Variants in MAEA observed in about 807,000 individuals in gnomAD.
MAEA encodes E3 ubiquitin-protein transferase MAEA.
MAEA carries 22 observed loss-of-function variants against 46.2 expected under a neutral mutation model. That is an observed-to-expected ratio of 0.48 (90% CI 0.34 to 0.68). MAEA has a LOEUF of 0.68. MAEA is among the 30% of genes least tolerant of loss of function. The pLI is 0.01. For synonymous variants in MAEA, 246 were observed against 222.6 expected, an observed-to-expected ratio of 1.11 and a Z score of -0.94; for missense variants, 393 against 558.1, an observed-to-expected ratio of 0.70 and a Z score of 2.98.
In MAEA at chr4:1,312,381, G is replaced by T; in HGVS notation, c.252+220G>T. The T allele has an allele frequency of 5.4e-6, 3 of 551,258 alleles. No individual in the cohort carries two copies. The South Asian group carries it at 6.2e-5, about 11-fold the overall frequency. 34.1% of individuals were successfully genotyped at this position (551,258 alleles called of 1,614,324 possible). A position where few individuals can be genotyped will look rare whatever the true frequency, so the allele number is the denominator to read the frequency against. ...TTGTCTTGCTCCAGGAGTGTCCAGA[G>T]TCCAGGCCACAGGGAGACCAGGATG... On this transcript the variant is annotated intron_variant, in intron 2 of 8. Coordinates refer to ENST00000303400, the MANE Select transcript of MAEA (RefSeq NM_001017405.3).
At chr4:1,330,896 G>A (rs981273972) in intron 5 of MAEA, 1 of 152,260 alleles carries the variant, frequency 6.6e-6, no homozygotes, top group Admixed American at 6.5e-5. Flanking sequence ...CCTGGGGTGC[G>A]AGGTGAGGCA....
At chr4:1,326,832 G>A (rs1009977709) in intron 4 of MAEA, among the ~76,000 whole-genome samples, 4 of 152,326 alleles carry the variant, frequency 2.6e-5, no homozygotes, top group Non-Finnish European at 4.4e-5. Flanking sequence ...GCTTCTGCCC[G>A]CCATGTTCTC....
intron 8 of MAEA, 162 bp from the exon 9 acceptor site, chr4:1,338,912 G>T: frequency 1.5e-6 from 1 of 689,278 alleles, no homozygotes; most frequent in Non-Finnish European, 2.6e-6. Context: ...GGAAGGACAG[G>T]CGAGGTGGCC....
intron 8 of MAEA, 77 bp from the exon 9 acceptor site, chr4:1,338,997 T>C (rs1713180025): frequency 3.4e-6 from 4 of 1,177,540 alleles, no homozygotes; most frequent in Non-Finnish European, 5.1e-6. Flanking sequence ...TGGTGGTTCA[T>C]TGTGGGGATT....
intron 1 of MAEA, among the ~76,000 whole-genome samples, chr4:1,291,767 C>T (rs1214709407): frequency 6.6e-6 from 1 of 152,206 alleles, no homozygotes; most frequent in Non-Finnish European, 1.5e-5. Context: ...TTCTTCAGGT[C>T]TTCTGCTGTT....
At chr4:1,307,127 A>AT (rs1735905119) in intron 1 of MAEA, among the ~76,000 whole-genome samples, 1 of 152,170 alleles carries the variant, frequency 6.6e-6, no homozygotes, top group African/African-American at 2.4e-5. Flanking sequence ...TTTTGTTAAC[A>AT]TTTTTTAATT....
chr4:1,310,790 G>A (rs1324886762), intron 1 of MAEA, among the ~76,000 whole-genome samples: 7 of 152,330 alleles, frequency 4.6e-5, no homozygotes, highest in Non-Finnish European at 8.8e-5. Flanking sequence ...AACGGGCTCA[G>A]GGCCGGCCTT....
At chr4:1,309,841 G>A (rs1736261721) in intron 1 of MAEA, 1 of 1,332,332 alleles carries the variant, frequency 7.5e-7, no homozygotes, top group Non-Finnish European at 9.7e-7. Context: ...CCGGAGCTCT[G>A]CCCTGTGCCT....
intron 2 of MAEA, among the ~76,000 whole-genome samples, chr4:1,313,274 C>G (rs1736740094): frequency 6.6e-6 from 1 of 152,214 alleles, no homozygotes; most frequent in African/African-American, 2.4e-5. Context: ...TTCTTAGATT[C>G]TCAGTTTTCA....
At chr4:1,320,151 G>A (rs1378756544) in intron 3 of MAEA, among the ~76,000 whole-genome samples, 2 of 125,660 alleles carry the variant, frequency 1.6e-5, no homozygotes, top group African/African-American at 3.3e-5. Context: ...AATCATCAAA[G>A]CAAACATGCA....
intron 4 of MAEA, among the ~76,000 whole-genome samples, chr4:1,326,561 A>G (rs536512742): frequency 6.6e-6 from 1 of 152,224 alleles, no homozygotes; most frequent in African/African-American, 2.4e-5. Flanking sequence ...GGCTTCCCTT[A>G]GGTGCACGTG....
intron 1 of MAEA, among the ~76,000 whole-genome samples, chr4:1,295,692 C>T (rs1289528669): frequency 2.2e-5 from 3 of 136,720 alleles, no homozygotes; most frequent in South Asian, 2.6e-4. Flanking sequence ...CCTATACCCC[C>T]TCACCCACAC....
At chr4:1,310,961 C>G (rs1483951960) in intron 1 of MAEA, among the ~76,000 whole-genome samples, 2 of 152,264 alleles carry the variant, frequency 1.3e-5, no homozygotes, top group Admixed American at 6.5e-5. Flanking sequence ...GTCTCCCTCA[C>G]TGCAGCCCTG....
intron 6 of MAEA, among the ~76,000 whole-genome samples, chr4:1,333,472 C>T (rs916328994): frequency 6.6e-6 from 1 of 152,158 alleles, no homozygotes; most frequent in African/African-American, 2.4e-5. Context: ...AGTTAGGCTG[C>T]ACCGTCTTCC....
At chr4:1,291,433 G>C (rs544371621) in intron 1 of MAEA, among the ~76,000 whole-genome samples, 1 of 152,224 alleles carries the variant, frequency 6.6e-6, no homozygotes, top group South Asian at 2.1e-4. Flanking sequence ...TAGGTGGTTG[G>C]TTTTTAATAC....
chr4:1,329,397 T>G, intron 5 of MAEA: 1 of 985,448 alleles, frequency 1.0e-6, no homozygotes, highest in Non-Finnish European at 1.2e-6. Flanking sequence ...CCTCATAATG[T>G]CTGAGCCGAG....
chr4:1,313,584 C>G (rs1577174211), intron 2 of MAEA, among the ~76,000 whole-genome samples: 2 of 151,968 alleles, frequency 1.3e-5, no homozygotes, highest in Middle Eastern at 3.4e-3. Context: ...AATAGCCAAG[C>G]GTACTGGTGC....
chr4:1,325,114 C>T (rs1051970723), intron 4 of MAEA, among the ~76,000 whole-genome samples: 4 of 152,168 alleles, frequency 2.6e-5, no homozygotes, highest in African/African-American at 7.2e-5. Flanking sequence ...TGTGCACGCA[C>T]GCCAGGGGGT....
rs897215005 is a variant in MAEA, at chr4:1,329,866, C to T, written c.656+2163C>T. 7.1e-6 allele frequency: 7 copies of T among 985,462 alleles called. No homozygotes were observed. The African/African-American group carries it at 1.2e-4, about 17-fold the overall frequency. 61.0% of individuals were successfully genotyped at this position (985,462 alleles called of 1,614,324 possible). A position where few individuals can be genotyped will look rare whatever the true frequency, so the allele number is the denominator to read the frequency against. ...GAGGGCTCCAGGCAGGGCCCTCTCA[C>T]CTGCTGCCAGGGTCCCAGCCCGCAG... On this transcript the variant is annotated intron_variant, in intron 5 of 8. Coordinates refer to ENST00000303400, the MANE Select transcript of MAEA (RefSeq NM_001017405.3).
Sources: gnomAD v4.1 joint callset for allele counts (sites outside exome capture counted in the v4.1 genomes callset) on GRCh38, gnomAD v4.1.1 for gene constraint, MANE v1.5 for transcripts, NCBI Gene and HGNC (gene_info 2026-07-23, HGNC 2026-07-21) for gene names.